Variants in BTBD3 observed in about 807,000 individuals in gnomAD.
The protein encoded by BTBD3 is BTB/POZ domain-containing protein 3.
BTBD3 carries 14 observed loss-of-function variants against 41.6 expected under a neutral mutation model. That is an observed-to-expected ratio of 0.34 (90% CI 0.22 to 0.53). BTBD3 has a LOEUF of 0.53. Among genes scored for constraint, BTBD3 ranks in the 20% least tolerant of loss-of-function variants. The pLI, the probability that BTBD3 is intolerant of heterozygous loss-of-function variation, is 0.95. For synonymous variants in BTBD3, 249 were observed against 233.7 expected (o/e 1.07, Z -0.60); for missense variants, 426 against 654.7 (o/e 0.65, Z 3.81).
At chr20:11,896,696 T>A (rs2056789117) in intron 1 of BTBD3, among the ~76,000 whole-genome samples, 2 of 152,232 alleles carry the variant, frequency 1.3e-5, no homozygotes, top group Non-Finnish European at 2.9e-5. Flanking sequence ...ACATGGGAAT[T>A]GAATATTAGC....
chr20:11,913,708 T>C (rs1458745406), upstream of BTBD3: 1 of 152,210 alleles, frequency 6.6e-6, no homozygotes, highest in East Asian at 1.9e-4. Context: ...AAATGATTTC[T>C]GGAGTCCCGT....
rs1568618274 is a variant in BTBD3, at chr20:11,924,063, GA to G, written c.*399del. The G allele has an allele frequency of 6.0e-6, 1 of 166,602 alleles. No homozygotes were observed. The highest frequency in any genetic ancestry group is 1.3e-5 in the Non-Finnish European group (1 of 77,028). 10.3% of individuals were successfully genotyped at this position (166,602 alleles called of 1,614,324 possible). On this transcript the variant is annotated 3_prime_UTR_variant, in exon 4 of 4. Coordinates refer to ENST00000378226, the MANE Select transcript of BTBD3 (RefSeq NM_014962.4). ...TGATAACAAGAGTTATTTTTAAACAGAACTCCTCTTACCCCCCAAAACAGAT... is the reference window on the plus strand; with the variant it reads ...TGATAACAAGAGTTATTTTTAAACAGACTCCTCTTACCCCCCAAAACAGAT...
chr20:11,902,080 A>T (rs1442472303), intron 1 of BTBD3, among the ~76,000 whole-genome samples: 1 of 150,656 alleles, frequency 6.6e-6, no homozygotes, highest in African/African-American at 2.4e-5. Flanking sequence ...TTGAAAATCC[A>T]TGTGTAACTT....
At chr20:11,905,871 G>A (rs2056850224) in intron 1 of BTBD3, among the ~76,000 whole-genome samples, 1 of 152,184 alleles carries the variant, frequency 6.6e-6, no homozygotes, top group South Asian at 2.1e-4. Context: ...AGGTTGCAGA[G>A]AGATTTGGTC....
At chr20:11,908,655 ATAT>A (rs1252167354) in intron 1 of BTBD3, among the ~76,000 whole-genome samples, 1 of 152,062 alleles carries the variant, frequency 6.6e-6, no homozygotes, top group Non-Finnish European at 1.5e-5. Flanking sequence ...ATTTTAGAGA[ATAT>A]TAGAGAATTG....
intron 1 of BTBD3, chr20:11,891,021 G>A (rs2056748103): frequency 2.1e-6 from 2 of 963,734 alleles, no homozygotes; most frequent in African/African-American, 3.5e-5. Flanking sequence ...GACCGCCCGG[G>A]CAGGGGCGCG....
intron 1 of BTBD3, among the ~76,000 whole-genome samples, chr20:11,897,932 C>G (rs1269766141): frequency 1.3e-5 from 2 of 152,072 alleles, no homozygotes; most frequent in Non-Finnish European, 2.9e-5. Flanking sequence ...CTGGGGTGGG[C>G]AGATCACTTG....
intron 1 of BTBD3, among the ~76,000 whole-genome samples, chr20:11,895,780 CTTATT>C (rs2056783157): frequency 6.6e-6 from 1 of 152,170 alleles, no homozygotes; most frequent in African/African-American, 2.4e-5. Context: ...TTTTACTGAC[CTTATT>C]TTAACCTGTC....
rs553845593 is a variant in BTBD3 at position 11,918,559 on chromosome 20, C to A, written c.284C>A (p.Pro95Gln). Residue 95 changes from proline (P) to glutamine (Q), a missense_variant, in exon 1 of 4, where the codon CCG becomes CAG. Around this residue, in one of 3 missense-constraint regions of BTBD3, gnomAD observed 52 missense variants for 45.1 expected, o/e 1.15. Transcript: ENST00000378226. ...QQNLSNNNLIPAPNWQGLYPT... is the reference protein window; with the variant it reads ...QQNLSNNNLIQAPNWQGLYPT... ...AATCTCAGTAACAACAACCTTATCCCGGCCCCAAACTGGCAGGGTCTTTAT... is the reference window on the plus strand; with the variant it reads ...AATCTCAGTAACAACAACCTTATCCAGGCCCCAAACTGGCAGGGTCTTTAT... 3 of 1,612,732 alleles carry A rather than the reference C, an allele frequency of 1.9e-6. No homozygotes were observed. In the South Asian group the frequency reaches 3.3e-5, roughly 18 times the overall value.
chr20:11,892,057 T>C (rs2056758101), intron 1 of BTBD3, among the ~76,000 whole-genome samples: 1 of 152,204 alleles, frequency 6.6e-6, no homozygotes, highest in African/African-American at 2.4e-5. Context: ...TAGTTTCACA[T>C]AGTAGTAGCA....
intron 3 of BTBD3, among the ~76,000 whole-genome samples, chr20:11,920,442 T>G (rs1024272102): frequency 4.6e-5 from 7 of 152,214 alleles, no homozygotes; most frequent in African/African-American, 1.7e-4. Context: ...TCGTACAGTT[T>G]CATGTGGATT....
At chr20:11,893,120 G>C (rs1257277161) in intron 1 of BTBD3, among the ~76,000 whole-genome samples, 1 of 151,500 alleles carries the variant, frequency 6.6e-6, no homozygotes, top group African/African-American at 2.4e-5. Flanking sequence ...ATTTTGCCTT[G>C]CAAGGAACTG....
At chr20:11,914,481 A>G (rs1188521376), upstream of BTBD3, among the ~76,000 whole-genome samples, 1 of 152,150 alleles carries the variant, frequency 6.6e-6, no homozygotes, top group African/African-American at 2.4e-5. Context: ...AATTTCACCG[A>G]CAGCTTGAGG....
In BTBD3 at chr20:11,923,269, G is replaced by T. The variant is rs368565346; in HGVS notation, c.1172G>T (p.Arg391Leu). The change falls in exon 4 of 4, where the codon CGT becomes CTT. Residue 391 changes from arginine (R) to leucine (L), a missense_variant. By Grantham distance (102) the Arg-to-Leu change is moderately radical. Around this residue, in one of 3 missense-constraint regions of BTBD3, gnomAD observed 321 missense variants for 534.8 expected, o/e 0.60. Transcript: ENST00000378226. This position sits in a 1 kb window ranked among gnomAD's most constrained non-coding sequence, Gnocchi z 5.3. Reference protein sequence around the residue: ...CAYRSNQWRYRGRCDSIQFAV... With the variant: ...CAYRSNQWRYLGRCDSIQFAV... ...TATCGAAGCAACCAATGGCGCTATC[G>T]TGGTCGCTGTGACAGCATCCAGTTT... 5.0e-6 allele frequency: 8 copies of T among 1,614,086 alleles called. No individual in the cohort carries two copies. Among genetic ancestry groups the T allele is most frequent in the Non-Finnish European group, 6.8e-6 (8 of 1,180,048 alleles).
chr20:11,911,276 A>G (rs2056887710), intron 1 of BTBD3, among the ~76,000 whole-genome samples: 1 of 152,244 alleles, frequency 6.6e-6, no homozygotes, highest in South Asian at 2.1e-4. Flanking sequence ...TATGGCACTT[A>G]CATATGTACA....
intron 1 of BTBD3, among the ~76,000 whole-genome samples, chr20:11,896,820 A>C (rs975170495): frequency 2.0e-5 from 3 of 152,212 alleles, no homozygotes; most frequent in African/African-American, 7.2e-5. Flanking sequence ...TCTTCAGAAA[A>C]AGAAATTGAA....
At chr20:11,905,322 A>C (rs1479025667) in intron 1 of BTBD3, among the ~76,000 whole-genome samples, 4 of 150,406 alleles carry the variant, frequency 2.7e-5, no homozygotes, top group Non-Finnish European at 4.4e-5. Context: ...CTTGTAACAC[A>C]AATAGTTGTA....
intron 1 of BTBD3, chr20:11,909,290 AGT>A (rs1020808773): frequency 6.6e-6 from 1 of 151,260 alleles, no homozygotes; most frequent in African/African-American, 2.4e-5. Context: ...AAAAAAAAAA[AGT>A]AGCATAAAAT....
At chr20:11,909,330 C>G (rs112322960) in intron 1 of BTBD3, 1 of 151,000 alleles carries the variant, frequency 6.6e-6, no homozygotes, top group Non-Finnish European at 1.5e-5. Flanking sequence ...TCTAGAAGAG[C>G]TTTTACTGTG....
Sources: allele counts gnomAD v4.1 joint callset (sites outside exome capture counted in the v4.1 genomes callset), GRCh38; gene constraint gnomAD v4.1.1; regional missense constraint gnomAD v4.1.1; non-coding constraint Gnocchi (gnomAD v3.1); transcripts MANE v1.5; gene names NCBI Gene and HGNC (gene_info 2026-07-23, HGNC 2026-07-21).